Variants in WDR25 observed in about 807,000 individuals in gnomAD.
The protein encoded by WDR25 is WD repeat domain 25.
A neutral mutation model predicts 47.7 loss-of-function variants in WDR25; 35 were observed. That is an observed-to-expected ratio of 0.73 (90% CI 0.56 to 0.97). The LOEUF is 0.97. WDR25 is among the 50% of genes least tolerant of loss of function. The pLI, the probability that WDR25 is intolerant of heterozygous loss-of-function variation, is 0.00. For synonymous variants in WDR25, 248 were observed against 278.9 expected, an observed-to-expected ratio of 0.89 and a Z score of 1.10; for missense variants, 634 against 704.7, an observed-to-expected ratio of 0.90 and a Z score of 1.14.
At chr14:100,501,108 A>G (rs1378717584) in intron 4 of WDR25, among the ~76,000 whole-genome samples, 2 of 152,164 alleles carry the variant, frequency 1.3e-5, no homozygotes, top group African/African-American at 2.4e-5. Flanking sequence ...ATGTCAGGCC[A>G]TGGAGTAGGT....
At chr14:100,378,414 A>G (rs1485703303) in intron 1 of WDR25, among the ~76,000 whole-genome samples, 1 of 151,954 alleles carries the variant, frequency 6.6e-6, no homozygotes, top group East Asian at 1.9e-4. Flanking sequence ...TGATCCGCCC[A>G]CCTCGGCCTC....
intron 3 of WDR25, chr14:100,481,335 A>T (rs1015939207): frequency 6.4e-6 from 6 of 943,140 alleles, no homozygotes; most frequent in Non-Finnish European, 9.1e-6. Context: ...AATCCAGAGG[A>T]ATATTTTTAT....
intron 4 of WDR25, among the ~76,000 whole-genome samples, chr14:100,522,536 T>C (rs1166140871): frequency 6.6e-6 from 1 of 152,182 alleles, no homozygotes; most frequent in Non-Finnish European, 1.5e-5. Flanking sequence ...GCATTTATTA[T>C]TGAGAGTTGC....
intron 2 of WDR25, among the ~76,000 whole-genome samples, chr14:100,412,773 G>A (rs1897748674): frequency 6.6e-6 from 1 of 152,222 alleles, no homozygotes; most frequent in Non-Finnish European, 1.5e-5. Context: ...AAAGGCCCTG[G>A]TAGGACACAA....
intron 2 of WDR25, among the ~76,000 whole-genome samples, chr14:100,427,051 A>G (rs73347376): frequency 0.079 from 12,031 of 152,046 alleles, 1,043 homozygotes; most frequent in African/African-American, 0.22. Flanking sequence ...CGGTCCATCA[A>G]TGTGTCTTCC....
Position 100,529,648 on chromosome 14 carries a change from A to G in WDR25, c.1414-172A>G. 1 of 715,174 alleles carries G rather than the reference A, an allele frequency of 1.4e-6. No homozygotes were observed. The highest frequency in any genetic ancestry group is 2.3e-6 in the Non-Finnish European group (1 of 440,868). The allele number at this position is 715,174 out of a possible 1,614,324, so 44.3% of individuals were successfully genotyped here. A position where few individuals can be genotyped will look rare whatever the true frequency, so the allele number is the denominator to read the frequency against. ...TGGCCTTGGGATGTGGGCCCGCATCAGGGCTCTACAGCCTCATGGGCGGGA... is the reference window on the plus strand; with the variant it reads ...TGGCCTTGGGATGTGGGCCCGCATCGGGGCTCTACAGCCTCATGGGCGGGA... On this transcript the variant is annotated intron_variant, in intron 6 of 6. Coordinates refer to ENST00000402312, the MANE Select transcript of WDR25 (RefSeq NM_001161476.3). The surrounding 1 kb of genome is among the most constrained non-coding windows in gnomAD (Gnocchi z 5.1).
At chr14:100,492,104 G>C (rs1302766212) in intron 4 of WDR25, among the ~76,000 whole-genome samples, 3 of 152,206 alleles carry the variant, frequency 2.0e-5, no homozygotes, top group Non-Finnish European at 2.9e-5. Flanking sequence ...CCAGGGCATG[G>C]GGCAACAAAA....
In WDR25 at chr14:100,450,770, A is replaced by G. The variant is rs561745188; in HGVS notation, c.823-17251A>G. On this transcript the variant is annotated intron_variant, in intron 2 of 6. Transcript: ENST00000402312. ...CCCCGCAGTTATTGAGAGAGGGAGT[A>G]TGTCTTAGGATAAGAGAGTAGGAGC... is the stretch of plus-strand genomic sequence containing the variant. Among the ~76,000 whole-genome samples the G allele has an allele frequency of 4.5e-4, 69 of 152,346 alleles. 1 individual carries two copies. Among genetic ancestry groups the G allele is most frequent in the African/African-American group, 1.7e-3 (69 of 41,582 alleles).
At chr14:100,505,543 T>C (rs534060405) in intron 4 of WDR25, among the ~76,000 whole-genome samples, 5 of 152,364 alleles carry the variant, frequency 3.3e-5, no homozygotes, top group African/African-American at 1.2e-4. Context: ...GCTTTTCTTT[T>C]TCAAGATTTT....
Position 100,475,780 on chromosome 14 carries a change from TTCTG to T in WDR25, c.970+7615_970+7618del, listed in dbSNP as rs1314293699. Among the ~76,000 whole-genome samples, 33 of 152,290 alleles carry T rather than the reference TTCTG, an allele frequency of 2.2e-4. 1 individual carries two copies. In the East Asian group the frequency reaches 6.0e-3, roughly 28 times the overall value. On this transcript the variant is annotated intron_variant, in intron 3 of 6. Transcript: ENST00000402312. Reference sequence around the variant, plus strand: ...CTGCTAAAAGAATGCACTTTTAACATTCTGTCCACAAAAAATAAATTAGTGAGGT... The same window carrying T: ...CTGCTAAAAGAATGCACTTTTAACATTCCACAAAAAATAAATTAGTGAGGT...
chr14:100,526,939 CCA>C (rs2030189739), intron 5 of WDR25, among the ~76,000 whole-genome samples: 5 of 54,172 alleles, frequency 9.2e-5, no homozygotes, highest in African/African-American at 2.0e-4. Flanking sequence ...GTCATCACCA[CCA>C]CACCATCTCT....
At chr14:100,429,774 A>G (rs1381577264) in intron 2 of WDR25, among the ~76,000 whole-genome samples, 1 of 151,946 alleles carries the variant, frequency 6.6e-6, no homozygotes, top group Non-Finnish European at 1.5e-5. Flanking sequence ...CTATGTGCAC[A>G]CATGGCCTTT....
Position 100,525,844 on chromosome 14 carries a change from A to G in WDR25, c.1102-26A>G, listed in dbSNP as rs1310726948. On this transcript the variant is annotated intron_variant, in intron 4 of 6. Coordinates refer to ENST00000402312, the MANE Select transcript of WDR25 (RefSeq NM_001161476.3). This position sits in a 1 kb window ranked among gnomAD's most constrained non-coding sequence, Gnocchi z 4.6. Reference sequence around the variant, plus strand: ...GCCTGTCCGTGCTGCCAGGCCTGCCAGCATGACCGGTGTCCGCTCTTGCAG... The same window carrying G: ...GCCTGTCCGTGCTGCCAGGCCTGCCGGCATGACCGGTGTCCGCTCTTGCAG... 1.2e-6 allele frequency: 2 copies of G among 1,609,628 alleles called. No homozygotes were observed. Among genetic ancestry groups the G allele is most frequent in the Non-Finnish European group, 1.7e-6 (2 of 1,176,992 alleles).
At chr14:100,501,574 T>A in intron 4 of WDR25, among the ~76,000 whole-genome samples, 1 of 152,198 alleles carries the variant, frequency 6.6e-6, no homozygotes, top group East Asian at 1.9e-4. Flanking sequence ...TTTGATTAAT[T>A]TTTTAAAGGG....
intron 4 of WDR25, among the ~76,000 whole-genome samples, chr14:100,517,025 G>T (rs1274046719): frequency 6.6e-6 from 1 of 150,602 alleles, no homozygotes; most frequent in African/African-American, 2.4e-5. Context: ...TGACCTTCTG[G>T]GCTCAAGCAG....
rs370057702 is a variant in WDR25, at chr14:100,426,319, C to T, written c.823-41702C>T. On this transcript the variant is annotated intron_variant, in intron 2 of 6. Transcript: ENST00000402312. Reference sequence around the variant, plus strand: ...GGGAAATCAACCTGAGAATGGGCTTCCAACTCGGAAGAGTTATTGGCTACT... The same window carrying T: ...GGGAAATCAACCTGAGAATGGGCTTTCAACTCGGAAGAGTTATTGGCTACT... Among the ~76,000 whole-genome samples, 5 of 152,200 alleles carry T rather than the reference C, an allele frequency of 3.3e-5. No individual in the cohort carries two copies. The East Asian group carries it at 7.7e-4, about 23-fold the overall frequency.
At chr14:100,526,116 C>T in intron 5 of WDR25, 76 bp downstream of exon 5, 3 of 1,524,478 alleles carry the variant, frequency 2.0e-6, no homozygotes, top group South Asian at 2.5e-5. Context: ...TGTCTGAGGT[C>T]CCAGGTCCCT....
At chr14:100,516,307 T>A (rs1031273598) in intron 4 of WDR25, among the ~76,000 whole-genome samples, 2 of 152,198 alleles carry the variant, frequency 1.3e-5, no homozygotes, top group Non-Finnish European at 2.9e-5. Context: ...TTTCCCCCTC[T>A]GACTGGTGGG....
intron 2 of WDR25, among the ~76,000 whole-genome samples, chr14:100,402,642 G>A (rs770954823): frequency 3.9e-5 from 6 of 152,172 alleles, no homozygotes; most frequent in Admixed American, 6.5e-5. Context: ...TGTTCTCTGA[G>A]GCCCTTTTAA....
Sources: gnomAD v4.1 joint callset for allele counts (sites outside exome capture counted in the v4.1 genomes callset) on GRCh38, gnomAD v4.1.1 for gene constraint, Gnocchi (gnomAD v3.1) non-coding constraint, MANE v1.5 for transcripts, NCBI Gene and HGNC (gene_info 2026-07-23, HGNC 2026-07-21) for gene names.